The following SNTG2 variants were observed in gnomAD, a reference collection of about 807,000 sequenced individuals.
SNTG2 encodes syntrophin gamma 2.
In SNTG2, 74 loss-of-function variants were observed where a neutral mutation model predicts 70.9. The observed-to-expected ratio is 1.04, with a 90% confidence interval of 0.86 to 1.27. SNTG2 has a LOEUF of 1.27. SNTG2 is among the 50% of genes most tolerant of loss of function. The pLI is 0.00. For synonymous variants in SNTG2, 278 were observed against 273.8 expected (o/e 1.02, Z -0.15); for missense variants, 717 against 690.7 (o/e 1.04, Z -0.43).
At chr2:1,144,526 A>T (rs955251586) in intron 6 of SNTG2, among the ~76,000 whole-genome samples, 17 of 152,210 alleles carry the variant, frequency 1.1e-4, no homozygotes, top group Non-Finnish European at 2.4e-4. Context: ...CACATTGCTG[A>T]TGAAGACATA....
chr2:1,271,395 A>G (rs1305107280), intron 14 of SNTG2, among the ~76,000 whole-genome samples: 1 of 152,060 alleles, frequency 6.6e-6, no homozygotes, highest in African/African-American at 2.4e-5. Context: ...CTAAATTTGT[A>G]TGTCAATTTA....
At chr2:1,085,544 C>A (rs1664633989) in intron 2 of SNTG2, among the ~76,000 whole-genome samples, 1 of 152,184 alleles carries the variant, frequency 6.6e-6, no homozygotes, top group Non-Finnish European at 1.5e-5. Flanking sequence ...TTTTCTTGAA[C>A]CTGCTGAAAA....
chr2:1,040,458 G>A (rs914542504), intron 1 of SNTG2, among the ~76,000 whole-genome samples: 5 of 152,172 alleles, frequency 3.3e-5, no homozygotes, highest in Admixed American at 3.3e-4. Flanking sequence ...ACCTTGCCCT[G>A]TCCAGCCCCA....
intron 4 of SNTG2, among the ~76,000 whole-genome samples, chr2:1,124,565 G>T (rs1288447704): frequency 6.6e-6 from 1 of 152,060 alleles, no homozygotes; most frequent in African/African-American, 2.4e-5. Flanking sequence ...CAAAATGCTG[G>T]GATTACAGGC....
intron 1 of SNTG2, among the ~76,000 whole-genome samples, chr2:983,089 T>G (rs1661169852): frequency 6.6e-6 from 1 of 150,658 alleles, no homozygotes; most frequent in African/African-American, 2.5e-5. Context: ...GAGGTTGGGA[T>G]GAAGCAGAGG....
chr2:1,134,589 T>C (rs1668242488), intron 4 of SNTG2, among the ~76,000 whole-genome samples: 2 of 152,146 alleles, frequency 1.3e-5, no homozygotes, highest in Non-Finnish European at 2.9e-5. Flanking sequence ...TGCCGATTGG[T>C]GTATTTACAA....
At chr2:976,747 CT>C (rs1344871696) in intron 1 of SNTG2, among the ~76,000 whole-genome samples, 2 of 152,206 alleles carry the variant, frequency 1.3e-5, no homozygotes, top group African/African-American at 4.8e-5. Flanking sequence ...TCCTCTGCCC[CT>C]CTGAGCTCCT....
At chr2:1,034,531 C>T (rs773693410) in intron 1 of SNTG2, among the ~76,000 whole-genome samples, 2 of 152,128 alleles carry the variant, frequency 1.3e-5, no homozygotes, top group Non-Finnish European at 2.9e-5. Flanking sequence ...GAGGAATCAC[C>T]ACACTGCCTT....
intron 12 of SNTG2, among the ~76,000 whole-genome samples, chr2:1,255,853 A>AAATATATATAAAT (rs1558602422): frequency 0.011 from 433 of 39,546 alleles, 17 homozygotes; most frequent in African/African-American, 0.041. Context: ...AATATATATA[A>AAATATATATAAAT]ATATATATAA....
chr2:1,144,518 C>T (rs1433088931), intron 6 of SNTG2, among the ~76,000 whole-genome samples: 6 of 152,128 alleles, frequency 3.9e-5, no homozygotes, highest in Non-Finnish European at 8.8e-5. Context: ...TCTGTTTGCA[C>T]ATTGCTGATG....
At chr2:1,032,152 C>T (rs1450407077) in intron 1 of SNTG2, among the ~76,000 whole-genome samples, 2 of 152,114 alleles carry the variant, frequency 1.3e-5, no homozygotes, top group Non-Finnish European at 2.9e-5. Context: ...CACGGGCAGG[C>T]AGGGCCCTAA....
intron 14 of SNTG2, among the ~76,000 whole-genome samples, chr2:1,292,463 G>A (rs990818676): frequency 6.6e-6 from 1 of 152,118 alleles, no homozygotes; most frequent in African/African-American, 2.4e-5. Context: ...TCACTATTGA[G>A]TATGATGTTA....
chr2:1,258,881 T>A (rs551758773), intron 12 of SNTG2, among the ~76,000 whole-genome samples: 2 of 152,314 alleles, frequency 1.3e-5, no homozygotes, highest in Admixed American at 1.3e-4. Context: ...TTTTCATTCA[T>A]TTCTGAAACA....
chr2:1,005,735 C>T (rs574917892), intron 1 of SNTG2, among the ~76,000 whole-genome samples: 16 of 147,880 alleles, frequency 1.1e-4, no homozygotes, highest in African/African-American at 3.7e-4. Context: ...AGCTGGGAGG[C>T]GGAGGTTGCA....
At chr2:1,092,142 G>A (rs1254350082) in intron 2 of SNTG2, among the ~76,000 whole-genome samples, 1 of 152,120 alleles carries the variant, frequency 6.6e-6, no homozygotes, top group African/African-American at 2.4e-5. Context: ...AACTCTATGA[G>A]TATTTTTGAA....
At chr2:1,192,229 T>G (rs1412439185) in intron 8 of SNTG2, among the ~76,000 whole-genome samples, 1 of 152,170 alleles carries the variant, frequency 6.6e-6, no homozygotes, top group African/African-American at 2.4e-5. Flanking sequence ...AAAGGTTCTG[T>G]TTCACGGCTG....
intron 9 of SNTG2, among the ~76,000 whole-genome samples, chr2:1,221,019 C>G (rs1674723950): frequency 6.6e-6 from 1 of 152,276 alleles, no homozygotes; most frequent in Non-Finnish European, 1.5e-5. Context: ...ATGTGCGGAG[C>G]AGCTCTGAGT....
chr2:1,082,191 A>G (rs2148167265), intron 1 of SNTG2, among the ~76,000 whole-genome samples: 1 of 152,228 alleles, frequency 6.6e-6, no homozygotes, highest in South Asian at 2.1e-4. Flanking sequence ...AGCCCTTCCT[A>G]CCGCACTGTG....
chr2:1,061,113 G>C (rs550734864), intron 1 of SNTG2, among the ~76,000 whole-genome samples: 9 of 152,158 alleles, frequency 5.9e-5, no homozygotes, highest in East Asian at 5.8e-4. Flanking sequence ...TCAAGATCAA[G>C]AAAGGTAAAC....
Sources: allele counts gnomAD v4.1 joint callset (sites outside exome capture counted in the v4.1 genomes callset), GRCh38; gene constraint gnomAD v4.1.1; transcripts MANE v1.5; gene names NCBI Gene and HGNC (gene_info 2026-07-23, HGNC 2026-07-21).